PPEF2: variants seen among roughly 807,000 people sequenced by gnomAD.
PPEF2 encodes protein phosphatase with EF-hand domain 2.
Under a neutral mutation model 84.7 loss-of-function variants are expected in PPEF2, and 84 were observed. The ratio of observed to expected loss-of-function variants is 0.99; its 90% confidence interval spans 0.83 to 1.19. PPEF2 has a LOEUF of 1.19. Among genes scored for constraint, PPEF2 ranks in the 50% most tolerant of loss-of-function variants. PPEF2 has a pLI of 0.00. For missense variants in PPEF2, 924 were observed against 937.5 expected (o/e 0.99, Z 0.19); for synonymous variants, 346 against 345.2 (o/e 1.00, Z -0.03).
chr4:75,896,238 C>G (rs1208411588), intron 2 of PPEF2, 33 bp downstream of exon 2: 1 of 1,605,958 alleles, frequency 6.2e-7, no homozygotes, highest in South Asian at 1.1e-5. Context: ...TTTGTGGTAC[C>G]CACAGCTGGT....
At chr4:75,864,561 T>C (rs749940444) in intron 15 of PPEF2, 34 bp from the exon 16 acceptor site, 59 of 1,499,020 alleles carry the variant, frequency 3.9e-5, no homozygotes, top group Non-Finnish European at 5.2e-5. Context: ...TTCTTTGTCA[T>C]ACGTTTAGAC....
chr4:75,896,233 G>C (rs1258436331), intron 2 of PPEF2, 38 bp downstream of exon 2: 1 of 1,599,504 alleles, frequency 6.3e-7, no homozygotes, highest in Non-Finnish European at 8.6e-7. Flanking sequence ...TGGGCTTTGT[G>C]GTACCCACAG....
At chr4:75,870,907 T>TTTATTTA (rs1724254965) in intron 13 of PPEF2, among the ~76,000 whole-genome samples, 1 of 11,158 alleles carries the variant, frequency 9.0e-5, no homozygotes, top group African/African-American at 2.5e-4. Flanking sequence ...TTATTTATTT[T>TTTATTTA]TATTTTACTT....
At position 75,889,377 on chromosome 4, in the gene PPEF2, C is replaced by A. The variant is rs554826057; in HGVS notation, c.417+580G>T. Among the ~76,000 whole-genome samples the A allele has an allele frequency of 5.9e-5, 9 of 152,264 alleles. No homozygotes were observed. The South Asian group carries it at 1.9e-3, about 32-fold the overall frequency. On this transcript the variant is annotated intron_variant, in intron 5 of 16. Transcript: ENST00000286719. ...TCCCGAGGTTCGTGAACAGTCCAGG[C>A]AAGTTTCTGCTTCAGGGCTTTTCCA... is the stretch of plus-strand genomic sequence containing the variant.
chr4:75,876,221 C>A, intron 11 of PPEF2, 66 bp downstream of exon 11: 1 of 1,511,036 alleles, frequency 6.6e-7, no homozygotes, highest in Non-Finnish European at 8.8e-7. Flanking sequence ...CCTGAGTTTC[C>A]CTGGAAGGGA....
chr4:75,889,732 G>T (rs182807529), intron 5 of PPEF2, among the ~76,000 whole-genome samples: 50 of 152,304 alleles, frequency 3.3e-4, no homozygotes, highest in Non-Finnish European at 5.1e-4. Flanking sequence ...TGTGTGGGAT[G>T]AATGAACAAT....
rs1206121104 is a variant in PPEF2 at position 75,860,714 on chromosome 4, C to T, written c.2215G>A (p.Ala739Thr). Residue 739 changes from alanine (A) to threonine (T), a missense_variant, in exon 17 of 17, where the codon GCT (alanine) becomes ACT (threonine). By Grantham distance (58) the Ala-to-Thr change is moderately conservative (BLOSUM62 0). Coordinates refer to ENST00000286719, the MANE Select transcript of PPEF2 (RefSeq NM_006239.3). ...CAGCCACTGTCTTTAGCATTTGTAG[C>T]TTGTGGGCATTCTGAGGCATCGCCC... Reference protein sequence around the residue: ...PEGDASECPQATNAKDSGCSS... With the variant: ...PEGDASECPQTTNAKDSGCSS... 7 of 1,614,090 alleles carry T rather than the reference C, an allele frequency of 4.3e-6. No homozygotes were observed. In the Admixed American group the frequency reaches 1.0e-4, roughly 23 times the overall value.
intron 10 of PPEF2, among the ~76,000 whole-genome samples, chr4:75,878,357 A>G (rs949971421): frequency 2.6e-5 from 4 of 152,222 alleles, no homozygotes; most frequent in African/African-American, 7.2e-5. Context: ...CCTCAGTGCT[A>G]TGGTGAACCC....
intron 8 of PPEF2, 163 bp from the exon 9 acceptor site, chr4:75,883,365 C>A: frequency 3.2e-6 from 2 of 630,978 alleles, no homozygotes; most frequent in Non-Finnish European, 5.5e-6. Flanking sequence ...GTCATTATCC[C>A]TGGGTAGAGA....
chr4:75,870,092 AAC>A (rs1303928868), intron 13 of PPEF2, among the ~76,000 whole-genome samples: 1 of 152,192 alleles, frequency 6.6e-6, no homozygotes, highest in Non-Finnish European at 1.5e-5. Flanking sequence ...ATCTTATTGA[AAC>A]ACACTATTCA....
chr4:75,876,641 C>T lies in PPEF2; in HGVS notation c.966G>A (p.Gln322=), dbSNP rs371540874. The change falls in exon 11 of 17, where the codon CAG becomes CAA. Residue 322 remains glutamine (Q), a synonymous_variant. Transcript: ENST00000286719. Reference sequence around the variant, plus strand: ...TCTCCTCCATCTGCTTCTCACTCTTCTGTCTCGTTTTGCACCTCATGGTGG... The same window carrying T: ...TCTCCTCCATCTGCTTCTCACTCTTTTGTCTCGTTTTGCACCTCATGGTGG... ...IVSTMRCKTR[Q]KSEKQMEEKR... 55 of 1,575,228 alleles carry T rather than the reference C, an allele frequency of 3.5e-5. No homozygotes were observed. The highest frequency in any genetic ancestry group is 4.4e-5 in the Non-Finnish European group (51 of 1,161,106).
Position 75,876,660 on chromosome 4 carries a change from A to G in PPEF2, c.947T>C (p.Met316Thr), listed in dbSNP as rs1724425846. 1 of 1,551,214 alleles carries G rather than the reference A, an allele frequency of 6.4e-7. No homozygotes were observed. Among genetic ancestry groups the G allele is most frequent in the Admixed American group, 2.0e-5 (1 of 49,886 alleles). ...KIERSKIVSTMRCKTRQKSEK... is the reference protein window; with the variant it reads ...KIERSKIVSTTRCKTRQKSEK... ...ACTCTTCTGTCTCGTTTTGCACCTC[A>G]TGGTGGAAACTATCTAAACACGTCC... Residue 316 changes from methionine (M) to threonine (T), a missense_variant, in exon 11 of 17, where the codon ATG (methionine) becomes ACG (threonine). Met to Thr is a moderately conservative substitution (Grantham distance 81, BLOSUM62 -1). Transcript: ENST00000286719.
chr4:75,866,431 G>GAC, intron 14 of PPEF2, 79 bp from the exon 15 acceptor site: 2 of 1,520,364 alleles, frequency 1.3e-6, no homozygotes, highest in South Asian at 2.4e-5. Flanking sequence ...TTTTTATCCT[G>GAC]ACATCCTTCT....
intron 12 of PPEF2, among the ~76,000 whole-genome samples, chr4:75,872,559 A>C (rs1724307128): frequency 6.6e-6 from 1 of 152,218 alleles, no homozygotes; most frequent in African/African-American, 2.4e-5. Context: ...GCAGTTTTCT[A>C]CGGAATGTTG....
At chr4:75,884,260 G>A (rs1226943928) in intron 8 of PPEF2, among the ~76,000 whole-genome samples, 2 of 151,970 alleles carry the variant, frequency 1.3e-5, no homozygotes, top group African/African-American at 4.8e-5. Flanking sequence ...GTGAAGCCCT[G>A]TCTCTAATAA....
chr4:75,896,936 G>A (rs763573437), intron 1 of PPEF2, among the ~76,000 whole-genome samples: 8 of 151,926 alleles, frequency 5.3e-5, no homozygotes, highest in Non-Finnish European at 1.0e-4. Context: ...GGCTGGAGTA[G>A]TGCAGTGGCA....
chr4:75,894,773 C>G (rs1341298099), intron 2 of PPEF2, among the ~76,000 whole-genome samples: 1 of 152,142 alleles, frequency 6.6e-6, no homozygotes, highest in Admixed American at 6.5e-5. Flanking sequence ...GCCTACCGGC[C>G]CCTGTGGTAG....
intron 13 of PPEF2, among the ~76,000 whole-genome samples, chr4:75,868,246 G>A (rs1228494205): frequency 6.7e-6 from 1 of 148,356 alleles, no homozygotes; most frequent in Non-Finnish European, 1.5e-5. Context: ...AACCCAGGAG[G>A]TAGAGGCTGC....
At chr4:75,867,630 GAGA>G (rs1335525482) in intron 13 of PPEF2, among the ~76,000 whole-genome samples, 5 of 152,190 alleles carry the variant, frequency 3.3e-5, no homozygotes, top group African/African-American at 1.2e-4. Flanking sequence ...ACAGTGGTTA[GAGA>G]AGAAGTTCTG....
Sources: gnomAD v4.1 joint callset for allele counts (sites outside exome capture counted in the v4.1 genomes callset) on GRCh38, gnomAD v4.1.1 for gene constraint, MANE v1.5 for transcripts, NCBI Gene and HGNC (gene_info 2026-07-23, HGNC 2026-07-21) for gene names.